Variants in SETD2 observed in about 807,000 individuals in gnomAD.
The protein encoded by SETD2 is histone-lysine N-methyltransferase SETD2.
Under a neutral mutation model 242.1 loss-of-function variants are expected in SETD2, and 31 were observed. The ratio of observed to expected loss-of-function variants is 0.13; its 90% confidence interval spans 0.10 to 0.17. The LOEUF is 0.17. Ranked by LOEUF, SETD2 falls within the 10% of genes least tolerant of loss-of-function variation. The probability of loss-of-function intolerance (pLI) is 1.00; values close to 1 mark genes in which losing one functional copy is unlikely to be tolerated. For missense variants in SETD2, 2,481 were observed against 3,046.3 expected (o/e 0.81, Z 4.37); for synonymous variants, 1,006 against 1,066.5 (o/e 0.94, Z 1.11).
At chr3:47,130,880 C>T (rs956929084) in intron 1 of SETD2, among the ~76,000 whole-genome samples, 1 of 151,990 alleles carries the variant, frequency 6.6e-6, no homozygotes, top group African/African-American at 2.4e-5. Context: ...TCCATATCAA[C>T]ACGAAGATAA....
intron 1 of SETD2, among the ~76,000 whole-genome samples, chr3:47,162,794 G>GT (rs1288759635): frequency 6.6e-6 from 1 of 152,214 alleles, no homozygotes; most frequent in African/African-American, 2.4e-5. Flanking sequence ...AGCAAACGGT[G>GT]TTTAAGAACG....
chr3:47,031,927 C>T (rs1348159945), intron 18 of SETD2, among the ~76,000 whole-genome samples: 3 of 151,898 alleles, frequency 2.0e-5, no homozygotes, highest in Admixed American at 2.0e-4. Context: ...AACTGTTTTC[C>T]AAAACTAAAG....
intron 10 of SETD2, among the ~76,000 whole-genome samples, chr3:47,087,355 A>C (rs1471477336): frequency 1.3e-5 from 2 of 152,196 alleles, no homozygotes; most frequent in African/African-American, 2.4e-5. Context: ...GGATGGATTC[A>C]GGATGAAACT....
intron 4 of SETD2, 68 bp from the exon 5 acceptor site, chr3:47,114,072 A>C (rs1575798571): frequency 1.3e-6 from 2 of 1,499,260 alleles, no homozygotes; most frequent in African/African-American, 1.4e-5. Context: ...CTTTGAAAAA[A>C]TGTGTTAGTA....
At chr3:47,130,072 T>C (rs559234300) in intron 1 of SETD2, among the ~76,000 whole-genome samples, 1 of 152,228 alleles carries the variant, frequency 6.6e-6, no homozygotes, top group Non-Finnish European at 1.5e-5. Context: ...TTGAGCTCAT[T>C]AGCATACTTA....
chr3:47,113,808 C>G (rs2107717763), intron 5 of SETD2, 68 bp downstream of exon 5: 2 of 1,510,610 alleles, frequency 1.3e-6, no homozygotes, highest in East Asian at 2.3e-5. Flanking sequence ...CACTGCACTC[C>G]AGTCTGGGTG....
chr3:47,021,823 A>AC (rs975913104), intron 18 of SETD2, among the ~76,000 whole-genome samples: 3 of 151,798 alleles, frequency 2.0e-5, no homozygotes, highest in Admixed American at 1.3e-4. Context: ...CAACCTTAGG[A>AC]CCCCCCACTC....
chr3:47,122,042 T>A lies in SETD2; in HGVS notation c.2594A>T (p.Asn865Ile). ...AGGTTGATATAAATCATCAAAATGA[T>A]TAACAGAAGCTGAACTAGTGCTACC... The part of the protein sequence containing the change: ...SIGSTSSASV[N>I]HFDDLYQPIG... The change falls in exon 3 of 21, where the codon AAT becomes ATT. Residue 865 changes from asparagine (N) to isoleucine (I), a missense_variant. Transcript: ENST00000409792. The A allele has an allele frequency of 6.2e-7, 1 of 1,613,878 alleles. No individual in the cohort carries two copies. The highest frequency in any genetic ancestry group is 8.5e-7 in the Non-Finnish European group (1 of 1,179,962).
At chr3:47,105,583 G>T in intron 6 of SETD2, 1 of 312,088 alleles carries the variant, frequency 3.2e-6, no homozygotes, top group Non-Finnish European at 6.4e-6. Flanking sequence ...AAAACAAATA[G>T]ACGCTATTTA....
intron 1 of SETD2, among the ~76,000 whole-genome samples, chr3:47,148,915 A>G (rs1451079466): frequency 6.6e-6 from 1 of 152,192 alleles, no homozygotes; most frequent in Non-Finnish European, 1.5e-5. Flanking sequence ...AAGATTTCAG[A>G]CTACTTAAGG....
intron 5 of SETD2, among the ~76,000 whole-genome samples, chr3:47,113,622 G>A (rs1489158208): frequency 6.6e-6 from 1 of 152,044 alleles, no homozygotes; most frequent in African/African-American, 2.4e-5. Flanking sequence ...AAAACTTGCG[G>A]TCAGAGTTCG....
At chr3:47,018,520 G>A (rs138130512) in intron 19 of SETD2, among the ~76,000 whole-genome samples, 3 of 152,282 alleles carry the variant, frequency 2.0e-5, no homozygotes, top group Non-Finnish European at 4.4e-5. Context: ...TCACAAGGTA[G>A]GCACTAAATA....
intron 3 of SETD2, among the ~76,000 whole-genome samples, chr3:47,117,606 AAT>A (rs1472681746): frequency 6.6e-6 from 1 of 152,260 alleles, no homozygotes; most frequent in Admixed American, 6.5e-5. Context: ...AACTCAATCC[AAT>A]ATTTTAGAGA....
chr3:47,144,637 G>A lies in SETD2; in HGVS notation c.72-17974C>T, dbSNP rs192098658. 1.4e-4 allele frequency among the ~76,000 whole-genome samples: 21 copies of A among 151,994 alleles called. No individual in the cohort carries two copies. In the East Asian group the frequency reaches 3.1e-3, roughly 22 times the overall value. On this transcript the variant is annotated intron_variant, in intron 1 of 20. Transcript: ENST00000409792. ...CAGCCTGGTGACAGAGCGAGACTCCGTCTCAAAATATAAAAATAAAAAATA... is the reference window on the plus strand; with the variant it reads ...CAGCCTGGTGACAGAGCGAGACTCCATCTCAAAATATAAAAATAAAAAATA...
chr3:47,080,234 T>C (rs1357439698), intron 12 of SETD2, among the ~76,000 whole-genome samples: 1 of 152,192 alleles, frequency 6.6e-6, no homozygotes, highest in Non-Finnish European at 1.5e-5. Context: ...AAAGATGAAA[T>C]AAGAGAAGAA....
At chr3:47,065,606 G>A (rs1466366237) in intron 13 of SETD2, among the ~76,000 whole-genome samples, 1 of 151,876 alleles carries the variant, frequency 6.6e-6, no homozygotes, top group African/African-American at 2.4e-5. Context: ...GCCTAGCCTG[G>A]GTAACATAGC....
intron 8 of SETD2, among the ~76,000 whole-genome samples, chr3:47,100,871 G>C (rs186210139): frequency 1.3e-5 from 2 of 151,624 alleles, no homozygotes; most frequent in Admixed American, 6.6e-5. Flanking sequence ...TTAGCTGGGC[G>C]TGGTGGCGGG....
At chr3:47,126,499 G>A (rs1222670647) in intron 2 of SETD2, 149 bp downstream of exon 2, 3 of 483,708 alleles carry the variant, frequency 6.2e-6, no homozygotes, top group East Asian at 6.2e-5. Context: ...AAGTTACCAT[G>A]GCTCTAAAAA....
intron 12 of SETD2, among the ~76,000 whole-genome samples, chr3:47,069,674 T>C (rs879825003): frequency 6.6e-6 from 1 of 152,150 alleles, no homozygotes; most frequent in African/African-American, 2.4e-5. Flanking sequence ...TGATCTGCTT[T>C]TGCCTTTAGA....
Sources: gnomAD v4.1 joint callset for allele counts (sites outside exome capture counted in the v4.1 genomes callset) on GRCh38, gnomAD v4.1.1 for gene constraint, MANE v1.5 for transcripts, NCBI Gene and HGNC (gene_info 2026-07-23, HGNC 2026-07-21) for gene names.